SEMA3A: variants seen among roughly 807,000 people sequenced by gnomAD.
The protein encoded by SEMA3A is semaphorin-3A.
In SEMA3A, 29 loss-of-function variants were observed where a neutral mutation model predicts 97.9. The ratio of observed to expected loss-of-function variants is 0.30; its 90% CI spans 0.22 to 0.40. The LOEUF is 0.40. Among genes scored for constraint, SEMA3A ranks in the 10% least tolerant of loss-of-function variants. SEMA3A has a pLI of 1.00. For synonymous variants in SEMA3A, 321 were observed against 323.7 expected, an observed-to-expected ratio of 0.99 and a Z score of 0.09; for missense variants, 763 against 951.3, an observed-to-expected ratio of 0.80 and a Z score of 2.60.
At chr7:84,185,175 C>T (rs1797840822) in intron 1 of SEMA3A, among the ~76,000 whole-genome samples, 1 of 151,962 alleles carries the variant, frequency 6.6e-6, no homozygotes. Flanking sequence ...AAATATAAAC[C>T]CATGAATTTA....
At chr7:84,424,575 AAT>A (rs1296756228) in intron 1 of SEMA3A, among the ~76,000 whole-genome samples, 8 of 74,398 alleles carry the variant, frequency 1.1e-4, no homozygotes, top group African/African-American at 1.8e-4. Flanking sequence ...TATAAATATT[AAT>A]ATATATTATA....
chr7:84,029,369 T>C (rs1224572073), intron 6 of SEMA3A, among the ~76,000 whole-genome samples: 1 of 152,198 alleles, frequency 6.6e-6, no homozygotes, highest in Admixed American at 6.5e-5. Context: ...TTGCATATAA[T>C]ATCTTGTTAT....
intron 4 of SEMA3A, among the ~76,000 whole-genome samples, chr7:84,074,835 T>G (rs1399532392): frequency 1.3e-5 from 2 of 152,062 alleles, no homozygotes; most frequent in African/African-American, 4.8e-5. Context: ...TTCTACACTT[T>G]AGGAAAAAAA....
intron 3 of SEMA3A, among the ~76,000 whole-genome samples, chr7:84,262,681 G>A (rs923804366): frequency 6.6e-6 from 1 of 152,130 alleles, no homozygotes; most frequent in African/African-American, 2.4e-5. Context: ...AGATATATGG[G>A]TGACAAAAAA....
intron 2 of SEMA3A, among the ~76,000 whole-genome samples, chr7:84,313,356 G>GTGTGTGTATATA (rs1247157469): frequency 4.3e-5 from 1 of 23,054 alleles, no homozygotes; most frequent in African/African-American, 1.2e-4. Flanking sequence ...ATGTGTGTGT[G>GTGTGTGTATATA]TATATATATA....
chr7:84,173,960 G>C (rs557009992), intron 1 of SEMA3A, among the ~76,000 whole-genome samples: 2 of 152,188 alleles, frequency 1.3e-5, no homozygotes, highest in African/African-American at 4.8e-5. Flanking sequence ...ATGATCTGAG[G>C]TGGAGCTGAG....
intron 1 of SEMA3A, among the ~76,000 whole-genome samples, chr7:84,163,804 T>C (rs545578723): frequency 2.0e-4 from 31 of 152,102 alleles, no homozygotes; most frequent in African/African-American, 7.0e-4. Flanking sequence ...ATAAATCACA[T>C]TCAAATGAGA....
chr7:84,279,735 T>C (rs1800391235), intron 3 of SEMA3A, among the ~76,000 whole-genome samples: 1 of 152,144 alleles, frequency 6.6e-6, no homozygotes, highest in Admixed American at 6.5e-5. Context: ...TAATATGAAA[T>C]AGTAGACTAT....
chr7:84,195,597 C>T (rs1393580001), upstream of SEMA3A, among the ~76,000 whole-genome samples: 2 of 152,048 alleles, frequency 1.3e-5, no homozygotes, highest in African/African-American at 4.8e-5. Context: ...CCTACTAAAG[C>T]CCATTCCAAC....
chr7:84,082,992 GA>G (rs1421855579), intron 4 of SEMA3A, among the ~76,000 whole-genome samples: 3 of 151,652 alleles, frequency 2.0e-5, no homozygotes, highest in Non-Finnish European at 4.4e-5. Flanking sequence ...TTTTATGTCA[GA>G]ATTTGAGTCA....
At chr7:84,090,758 A>G (rs1794540383) in intron 4 of SEMA3A, among the ~76,000 whole-genome samples, 1 of 152,064 alleles carries the variant, frequency 6.6e-6, no homozygotes, top group South Asian at 2.1e-4. Flanking sequence ...TATTCCAGAT[A>G]CTACACTGTA....
At chr7:84,300,929 A>G (rs1055286188) in intron 3 of SEMA3A, among the ~76,000 whole-genome samples, 4 of 152,150 alleles carry the variant, frequency 2.6e-5, no homozygotes, top group African/African-American at 9.6e-5. Flanking sequence ...GGGCCTTAAA[A>G]CAACTCTGAA....
Position 84,017,299 on chromosome 7 carries a change from C to G in SEMA3A, c.668-2948G>C, listed in dbSNP as rs148034332. 2.7e-3 allele frequency among the ~76,000 whole-genome samples: 411 copies of G among 152,196 alleles called. 2 individuals are homozygous for G. The highest frequency in any genetic ancestry group is 9.1e-3 in the African/African-American group (378 of 41,552). On this transcript the variant is annotated intron_variant, in intron 6 of 16. Transcript: ENST00000265362. ...GGACTCTAGTGGGAAATAACTCAAT[C>G]AAATTATCAAGTATATTCATTGCTG...
At chr7:84,465,995 A>G (rs1805984694) in intron 1 of SEMA3A, among the ~76,000 whole-genome samples, 1 of 152,164 alleles carries the variant, frequency 6.6e-6, no homozygotes, top group Non-Finnish European at 1.5e-5. Flanking sequence ...ATACCTTGAC[A>G]TAGCTGACAC....
intron 14 of SEMA3A, among the ~76,000 whole-genome samples, chr7:83,978,612 G>T (rs1789267427): frequency 6.6e-6 from 1 of 152,122 alleles, no homozygotes; most frequent in South Asian, 2.1e-4. Context: ...TGCAAATATG[G>T]AATTTGTTAC....
intron 3 of SEMA3A, among the ~76,000 whole-genome samples, chr7:84,274,877 A>C (rs1176679652): frequency 6.6e-6 from 1 of 152,136 alleles, no homozygotes; most frequent in East Asian, 1.9e-4. Flanking sequence ...TAAAATATTA[A>C]AAATATTTTA....
rs994981939 is a variant in SEMA3A at position 84,014,946 on chromosome 7, CATG to C, written c.668-598_668-596del. Reference sequence around the variant, plus strand: ...TATCTATCAGCATATCCTTATTTATCATGATTTCTTACCACATTCTTCAATACC... The same window carrying C: ...TATCTATCAGCATATCCTTATTTATCATTTCTTACCACATTCTTCAATACC... On this transcript the variant is annotated intron_variant, in intron 6 of 16. Transcript: ENST00000265362. Among the ~76,000 whole-genome samples, 12 of 152,178 alleles carry C rather than the reference CATG, an allele frequency of 7.9e-5. 1 individual carries two copies. Among genetic ancestry groups the C allele is most frequent in the Admixed American group, 7.2e-4 (11 of 15,282 alleles).
At chr7:84,469,809 T>A (rs1257836905) in intron 1 of SEMA3A, among the ~76,000 whole-genome samples, 2 of 152,066 alleles carry the variant, frequency 1.3e-5, no homozygotes. Flanking sequence ...TCGTGATAAA[T>A]CTATTGTAAT....
chr7:84,039,755 T>C (rs377761128), intron 6 of SEMA3A, among the ~76,000 whole-genome samples: 13 of 152,216 alleles, frequency 8.5e-5, no homozygotes, highest in Middle Eastern at 3.4e-3. Context: ...TGGCTTAAAG[T>C]GTTATGCAAC....
Sources: gnomAD v4.1 joint callset for allele counts (sites outside exome capture counted in the v4.1 genomes callset) on GRCh38, gnomAD v4.1.1 for gene constraint, MANE v1.5 for transcripts, NCBI Gene and HGNC (gene_info 2026-07-23, HGNC 2026-07-21) for gene names.